The following LRRC4C variants were observed in gnomAD, a reference collection of about 807,000 sequenced individuals.
The protein encoded by LRRC4C is leucine rich repeat containing 4C.
A neutral mutation model predicts 33.6 loss-of-function variants in LRRC4C; 5 were observed. The ratio of observed to expected loss-of-function variants is 0.15; its 90% CI spans 0.08 to 0.31. LRRC4C has a LOEUF of 0.31. LRRC4C is among the 10% of genes least tolerant of loss of function. LRRC4C has a pLI of 1.00. For synonymous variants in LRRC4C, 329 were observed against 302.0 expected (o/e 1.09, Z -0.93); for missense variants, 560 against 796.7 (o/e 0.70, Z 3.58).
At chr11:40,320,484 C>A (rs547907292) in intron 3 of LRRC4C, among the ~76,000 whole-genome samples, 1 of 151,686 alleles carries the variant, frequency 6.6e-6, no homozygotes, top group Non-Finnish European at 1.5e-5. Flanking sequence ...CCAGCCTGGG[C>A]GACAGAGTGA....
At chr11:41,236,292 C>T (rs920397529) in intron 1 of LRRC4C, among the ~76,000 whole-genome samples, 1 of 152,002 alleles carries the variant, frequency 6.6e-6, no homozygotes, top group Non-Finnish European at 1.5e-5. Flanking sequence ...CCTCCTGATA[C>T]CTCTTCAGGA....
chr11:40,391,670 A>G (rs573026748), intron 3 of LRRC4C, among the ~76,000 whole-genome samples: 2 of 152,222 alleles, frequency 1.3e-5, no homozygotes, highest in Non-Finnish European at 2.9e-5. Context: ...ATAGATCATT[A>G]TAGCATCACA....
At chr11:41,421,558 A>G (rs1243211611) in intron 1 of LRRC4C, among the ~76,000 whole-genome samples, 2 of 152,084 alleles carry the variant, frequency 1.3e-5, no homozygotes, top group Admixed American at 6.6e-5. Flanking sequence ...TTCTGCAAAC[A>G]GTTTTATCAA....
chr11:40,125,897 C>T (rs113748565), intron 6 of LRRC4C, among the ~76,000 whole-genome samples: 166 of 152,206 alleles, frequency 1.1e-3, no homozygotes, highest in African/African-American at 3.7e-3. Context: ...ATTTATTTTC[C>T]CATTTTTAAC....
At chr11:40,808,850 C>T (rs980035677) in intron 2 of LRRC4C, among the ~76,000 whole-genome samples, 1 of 152,200 alleles carries the variant, frequency 6.6e-6, no homozygotes, top group African/African-American at 2.4e-5. Flanking sequence ...GTTCTCATCA[C>T]ATATCTACAT....
Position 41,369,523 on chromosome 11 carries a change from G to T in LRRC4C, c.-496+89908C>A, listed in dbSNP as rs941944777. On this transcript the variant is annotated intron_variant, in intron 1 of 6. Coordinates refer to ENST00000528697, the MANE Select transcript of LRRC4C (RefSeq NM_001258419.2). ...TTACCTACATAACAAACCTGCACAT[G>T]TACCCCTGAGCTTAAAATAAAAATT... Among the ~76,000 whole-genome samples, 3 of 151,348 alleles carry T rather than the reference G, an allele frequency of 2.0e-5. 1 individual carries two copies. The East Asian group carries it at 5.8e-4, about 29-fold the overall frequency.
At position 40,522,335 on chromosome 11, in the gene LRRC4C, A is replaced by T. The variant is rs1004077028; in HGVS notation, c.-270+125807T>A. The stretch of plus-strand genomic sequence containing the variant: ...GTGAGCCCTGGCGCCTGGCCAGAAG[A>T]TGAAAAAGTTCTGCAGATGGATGGT... On this transcript the variant is annotated intron_variant, in intron 3 of 6. Coordinates refer to ENST00000528697, the MANE Select transcript of LRRC4C (RefSeq NM_001258419.2). Among the ~76,000 whole-genome samples, 4 of 152,268 alleles carry T rather than the reference A, an allele frequency of 2.6e-5. No individual in the cohort carries two copies. The South Asian group carries it at 8.3e-4, about 32-fold the overall frequency.
intron 3 of LRRC4C, among the ~76,000 whole-genome samples, chr11:40,517,738 T>TG (rs201960743): frequency 3.5e-5 from 4 of 115,410 alleles, no homozygotes; most frequent in African/African-American, 1.1e-4. Flanking sequence ...TTCACAGAAT[T>TG]GGGGGGAAAA....
intron 2 of LRRC4C, among the ~76,000 whole-genome samples, chr11:40,925,413 GTCCAGGGAGTA>G (rs1957372597): frequency 6.6e-6 from 1 of 152,158 alleles, no homozygotes; most frequent in Admixed American, 6.5e-5. Context: ...ACTGTCAGTG[GTCCAGGGAGTA>G]TCTGCTACCT....
At chr11:40,394,587 G>A (rs1328594587) in intron 3 of LRRC4C, among the ~76,000 whole-genome samples, 2 of 152,116 alleles carry the variant, frequency 1.3e-5, no homozygotes, top group Non-Finnish European at 2.9e-5. Context: ...AAGTGACTGT[G>A]ATCCCCTTGA....
intron 5 of LRRC4C, among the ~76,000 whole-genome samples, chr11:40,150,181 G>A (rs1023143636): frequency 2.0e-5 from 3 of 152,066 alleles, no homozygotes; most frequent in African/African-American, 7.2e-5. Flanking sequence ...GTGTCTCTAT[G>A]AGGACATTTG....
chr11:40,264,569 A>G (rs1942106939), intron 4 of LRRC4C, among the ~76,000 whole-genome samples: 7 of 152,196 alleles, frequency 4.6e-5, no homozygotes, highest in Non-Finnish European at 1.5e-5. Flanking sequence ...CCTCTGAACC[A>G]TAATTTTTTT....
At chr11:41,122,068 G>T (rs1942462558) in intron 1 of LRRC4C, among the ~76,000 whole-genome samples, 1 of 152,080 alleles carries the variant, frequency 6.6e-6, no homozygotes, top group African/African-American at 2.4e-5. Flanking sequence ...TTGCTCCTAG[G>T]AAACACTGCT....
chr11:41,446,898 A>C (rs1955844252), intron 1 of LRRC4C, among the ~76,000 whole-genome samples: 1 of 152,294 alleles, frequency 6.6e-6, no homozygotes, highest in Middle Eastern at 3.4e-3. Flanking sequence ...TTTTAAGTTT[A>C]ACAAGTAAAG....
chr11:40,420,292 G>A (rs1950476246), intron 3 of LRRC4C, among the ~76,000 whole-genome samples: 1 of 152,174 alleles, frequency 6.6e-6, no homozygotes, highest in Admixed American at 6.5e-5. Context: ...TCCAGCCAGT[G>A]TTTGAGCATA....
intron 5 of LRRC4C, among the ~76,000 whole-genome samples, chr11:40,201,027 G>A (rs1374923054): frequency 1.3e-5 from 2 of 152,114 alleles, no homozygotes; most frequent in Non-Finnish European, 2.9e-5. Flanking sequence ...GCGGAATGTA[G>A]TGTGTGTGTT....
At chr11:41,000,574 G>T (rs1398916269) in intron 1 of LRRC4C, among the ~76,000 whole-genome samples, 1 of 152,098 alleles carries the variant, frequency 6.6e-6, no homozygotes, top group African/African-American at 2.4e-5. Flanking sequence ...TAGTTCCCTT[G>T]TGAAGTTAGG....
rs537555903 is a variant in LRRC4C at position 40,302,595 on chromosome 11, A to G, written c.-176+17033T>C. On this transcript the variant is annotated intron_variant, in intron 4 of 6. Coordinates refer to ENST00000528697, the MANE Select transcript of LRRC4C (RefSeq NM_001258419.2). ...AACCTTAAGCAGTTCCCTTCTCCAG[A>G]AAGAATGATACTAAATACAATAATT... 5.3e-5 allele frequency among the ~76,000 whole-genome samples: 8 copies of G among 152,278 alleles called. No individual in the cohort carries two copies. In the South Asian group the frequency reaches 8.3e-4, roughly 16 times the overall value.
intron 2 of LRRC4C, among the ~76,000 whole-genome samples, chr11:40,805,647 C>T (rs1951213270): frequency 6.6e-6 from 1 of 151,990 alleles, no homozygotes; most frequent in African/African-American, 2.4e-5. Flanking sequence ...AGTTCTCTTC[C>T]CAAGTCTCTT....
Sources: allele counts gnomAD v4.1 joint callset (sites outside exome capture counted in the v4.1 genomes callset), GRCh38; gene constraint gnomAD v4.1.1; transcripts MANE v1.5; gene names NCBI Gene and HGNC (gene_info 2026-07-23, HGNC 2026-07-21).